ATP2C1: variants seen among roughly 807,000 people sequenced by gnomAD.
ATP2C1 encodes ATPase secretory pathway Ca2+ transporting 1, also known as calcium-transporting ATPase type 2C member 1.
Under a neutral mutation model 120.5 loss-of-function variants are expected in ATP2C1, and 31 were observed. The observed-to-expected ratio is 0.26, with a 90% CI of 0.19 to 0.35. The LOEUF is 0.35. Ranked by LOEUF, ATP2C1 falls within the 10% of genes least tolerant of loss-of-function variation. The pLI is 1.00. For missense variants in ATP2C1, 731 were observed against 1,107.5 expected, an observed-to-expected ratio of 0.66 and a Z score of 4.83; for synonymous variants, 351 against 358.7, an observed-to-expected ratio of 0.98 and a Z score of 0.24.
exon 1 of ATP2C1, chr3:130,850,900 C>T (rs929003781): frequency 3.9e-5 from 55 of 1,417,130 alleles, no homozygotes; most frequent in Non-Finnish European, 4.9e-5. Flanking sequence ...TATTTATCGA[C>T]GCTGAGAAAC....
At chr3:130,948,406 G>A (rs1299093294) in intron 8 of ATP2C1, among the ~76,000 whole-genome samples, 1 of 151,652 alleles carries the variant, frequency 6.6e-6, no homozygotes, top group Non-Finnish European at 1.5e-5. Context: ...TTTCTGATTA[G>A]GATTATTAAT....
At chr3:130,941,822 T>A (rs2059932959) in intron 8 of ATP2C1, 123 bp downstream of exon 8, 3 of 870,446 alleles carry the variant, frequency 3.4e-6, no homozygotes, top group Non-Finnish European at 3.8e-6. Flanking sequence ...TACTTTAAAA[T>A]GTGACATATA....
intron 1 of ATP2C1, among the ~76,000 whole-genome samples, chr3:130,866,391 T>A (rs1369262911): frequency 6.6e-6 from 1 of 152,212 alleles, no homozygotes; most frequent in Non-Finnish European, 1.5e-5. Flanking sequence ...ATTATTTGTT[T>A]GAGAAACCCA....
chr3:130,905,268 T>G (rs2058069669), intron 2 of ATP2C1, among the ~76,000 whole-genome samples: 1 of 152,058 alleles, frequency 6.6e-6, no homozygotes, highest in Non-Finnish European at 1.5e-5. Context: ...TGTTTTTATT[T>G]TCTTATCTAT....
At chr3:130,937,371 G>A in intron 5 of ATP2C1, 57 bp from the exon 6 acceptor site, 2 of 1,424,808 alleles carry the variant, frequency 1.4e-6, no homozygotes, top group Non-Finnish European at 2.0e-6. Flanking sequence ...ATAAAATACA[G>A]TTAACAGTTA....
intron 1 of ATP2C1, among the ~76,000 whole-genome samples, chr3:130,861,272 A>T (rs894513515): frequency 1.3e-5 from 2 of 152,216 alleles, no homozygotes; most frequent in East Asian, 3.8e-4. Flanking sequence ...TTATCTCAAA[A>T]GTCTGTATCA....
upstream of ATP2C1, chr3:130,893,900 C>A (rs2069324159): frequency 1.0e-6 from 1 of 984,044 alleles, no homozygotes; most frequent in Non-Finnish European, 1.2e-6. Context: ...CCATTCCGGG[C>A]CGAAGTCTCG....
chr3:130,949,920 C>G (rs1160193502), intron 8 of ATP2C1, among the ~76,000 whole-genome samples: 3 of 152,026 alleles, frequency 2.0e-5, no homozygotes, highest in African/African-American at 7.2e-5. Flanking sequence ...GAGAGAAATC[C>G]ATTTCTAATC....
intron 15 of ATP2C1, 29 bp downstream of exon 15, chr3:130,967,269 C>G (rs372294937): frequency 1.9e-6 from 3 of 1,611,660 alleles, no homozygotes; most frequent in African/African-American, 2.7e-5. Flanking sequence ...AAGATGGTGA[C>G]TTTCTTCATA....
At chr3:130,908,083 C>G (rs2058222383) in intron 2 of ATP2C1, among the ~76,000 whole-genome samples, 1 of 152,014 alleles carries the variant, frequency 6.6e-6, no homozygotes, top group Non-Finnish European at 1.5e-5. Flanking sequence ...GTAGTGATGA[C>G]TAGTCTTGGC....
At chr3:130,946,361 G>A (rs1382080897) in intron 8 of ATP2C1, among the ~76,000 whole-genome samples, 2 of 152,210 alleles carry the variant, frequency 1.3e-5, no homozygotes, top group Non-Finnish European at 2.9e-5. Flanking sequence ...GGCTCAGTGA[G>A]TAGTTTCTGG....
chr3:130,860,574 T>C (rs1241427891), intron 1 of ATP2C1, among the ~76,000 whole-genome samples: 1 of 152,238 alleles, frequency 6.6e-6, no homozygotes, highest in African/African-American at 2.4e-5. Context: ...ATTATCCCCA[T>C]TTTGTGGGTG....
chr3:130,962,472 C>T (rs2060861317), intron 12 of ATP2C1, among the ~76,000 whole-genome samples: 1 of 151,660 alleles, frequency 6.6e-6, no homozygotes, highest in African/African-American at 2.4e-5. Flanking sequence ...TCCAAGTTCA[C>T]CAAAAGCAGT....
exon 27 of ATP2C1, chr3:131,016,552 A>C: frequency 1.7e-6 from 1 of 597,212 alleles, no homozygotes; most frequent in Non-Finnish European, 2.9e-6. Flanking sequence ...TATTCAACCC[A>C]TCGGAATTTA....
At chr3:130,972,250 C>A (rs1490440252) in intron 17 of ATP2C1, among the ~76,000 whole-genome samples, 1 of 152,166 alleles carries the variant, frequency 6.6e-6, no homozygotes, top group African/African-American at 2.4e-5. Context: ...CAGCCCACTT[C>A]TTCTTTGTGG....
intron 1 of ATP2C1, among the ~76,000 whole-genome samples, chr3:130,887,367 C>T (rs1038901382): frequency 6.6e-6 from 1 of 152,188 alleles, no homozygotes; most frequent in South Asian, 2.1e-4. Flanking sequence ...AGGGCTCTAC[C>T]ATTAGCAGGT....
intron 6 of ATP2C1, among the ~76,000 whole-genome samples, chr3:130,938,732 A>G (rs138425433): frequency 3.9e-5 from 6 of 152,372 alleles, no homozygotes; most frequent in African/African-American, 1.4e-4. Flanking sequence ...AGTGAGTGAT[A>G]TGACCCACTG....
chr3:130,987,198 G>T (rs887565103), intron 20 of ATP2C1, among the ~76,000 whole-genome samples: 1 of 151,782 alleles, frequency 6.6e-6, no homozygotes. Flanking sequence ...GTCTCACCAC[G>T]TGTTGCCCAG....
At chr3:130,920,407 A>T (rs1391718040) in intron 2 of ATP2C1, among the ~76,000 whole-genome samples, 1 of 152,020 alleles carries the variant, frequency 6.6e-6, no homozygotes, top group Non-Finnish European at 1.5e-5. Flanking sequence ...TTACATGTAG[A>T]TATGAAGTTT....
Sources: allele counts gnomAD v4.1 joint callset (sites outside exome capture counted in the v4.1 genomes callset), GRCh38; gene constraint gnomAD v4.1.1; transcripts MANE v1.5; gene names NCBI Gene and HGNC (gene_info 2026-07-23, HGNC 2026-07-21).